Variants in HTR6 observed in about 807,000 individuals in gnomAD.
HTR6 encodes 5-hydroxytryptamine receptor 6.
In HTR6, 15 loss-of-function variants were observed where a neutral mutation model predicts 17.4. The observed-to-expected ratio is 0.86, with a 90% confidence interval of 0.58 to 1.33. The LOEUF (loss-of-function observed/expected upper bound fraction) is 1.33. Ranked by LOEUF, HTR6 falls within the 40% of genes most tolerant of loss-of-function variation. The pLI is 0.00. For synonymous variants in HTR6, 326 were observed against 295.5 expected, an observed-to-expected ratio of 1.10 and a Z score of -1.06; for missense variants, 578 against 616.0, an observed-to-expected ratio of 0.94 and a Z score of 0.65.
chr1:19,680,075 G>A lies in HTR6; in HGVS notation c.*707G>A, dbSNP rs2095099951. 6.6e-6 allele frequency among the ~76,000 whole-genome samples: 1 copy of A among 152,196 alleles called. No homozygotes were observed. The highest frequency in any genetic ancestry group is 1.5e-5 in the Non-Finnish European group (1 of 68,036). On this transcript the variant is annotated 3_prime_UTR_variant, in exon 3 of 3. Transcript: ENST00000289753. ...CTGCTCTACCACCTATGAGCTCTGG[G>A]GCCTGACACGAGTTATTTAACCTCT...
intron 1 of HTR6, among the ~76,000 whole-genome samples, chr1:19,673,154 T>C (rs1490755183): frequency 1.3e-5 from 2 of 152,228 alleles, no homozygotes; most frequent in Admixed American, 6.5e-5. Context: ...ATGACAACAA[T>C]AGCTAACACT....
At chr1:19,675,461 C>T (rs539488268) in intron 1 of HTR6, among the ~76,000 whole-genome samples, 91 of 152,230 alleles carry the variant, frequency 6.0e-4, no homozygotes, top group Admixed American at 1.2e-3. Context: ...GTTTCCTTCT[C>T]TCTTTCCTCT....
intron 1 of HTR6, among the ~76,000 whole-genome samples, chr1:19,667,626 G>A (rs2095083249): frequency 6.6e-6 from 1 of 152,172 alleles, no homozygotes; most frequent in African/African-American, 2.4e-5. Flanking sequence ...ATATTGGCCA[G>A]GTTGGTCTTG....
At chr1:19,670,008 G>T (rs1181022461) in intron 1 of HTR6, among the ~76,000 whole-genome samples, 8 of 152,220 alleles carry the variant, frequency 5.3e-5, no homozygotes, top group African/African-American at 1.9e-4. Flanking sequence ...TTACAATGCA[G>T]TTCCTGCTGC....
chr1:19,672,490 C>G (rs1363496969), intron 1 of HTR6, among the ~76,000 whole-genome samples: 1 of 152,054 alleles, frequency 6.6e-6, no homozygotes, highest in African/African-American at 2.4e-5. Context: ...GGCAGAGTGA[C>G]ACTGCCGAGC....
chr1:19,677,017 T>C (rs2095095247), intron 1 of HTR6, among the ~76,000 whole-genome samples: 1 of 152,188 alleles, frequency 6.6e-6, no homozygotes. Context: ...ATCTAATATA[T>C]GAAAATCCAC....
intron 1 of HTR6, among the ~76,000 whole-genome samples, chr1:19,669,084 C>T (rs2095084874): frequency 6.6e-6 from 1 of 152,190 alleles, no homozygotes; most frequent in African/African-American, 2.4e-5. Context: ...CCTTTACCAT[C>T]TAAAATCATC....
In HTR6 at chr1:19,679,481, T is replaced by C. The variant is rs2095099043; in HGVS notation, c.*113T>C. ...GGCTGCAAGTCTCCTAGAAGCCCTC[T>C]GAGCTCCAGAGGGGTGCGCAGAGCT... is the stretch of plus-strand genomic sequence containing the variant. On this transcript the variant is annotated 3_prime_UTR_variant, in exon 3 of 3. Transcript: ENST00000289753. This position sits in a 1 kb window ranked among gnomAD's most constrained non-coding sequence, Gnocchi z 4.9. 7.1e-7 allele frequency: 1 copy of C among 1,417,234 alleles called. No homozygotes were observed. Among genetic ancestry groups the C allele is most frequent in the Non-Finnish European group, 9.2e-7 (1 of 1,081,714 alleles). 87.8% of individuals were successfully genotyped at this position (1,417,234 alleles called of 1,614,324 possible).
intron 1 of HTR6, among the ~76,000 whole-genome samples, chr1:19,676,075 C>T (rs2095094098): frequency 6.6e-6 from 1 of 152,054 alleles, no homozygotes; most frequent in Non-Finnish European, 1.5e-5. Flanking sequence ...TTGGGGAGGC[C>T]AGAGCTGCTG....
chr1:19,665,049 G>A lies in HTR6; in HGVS notation c.-705G>A, dbSNP rs916911113. Among the ~76,000 whole-genome samples, 1 of 151,460 alleles carries A rather than the reference G, an allele frequency of 6.6e-6. No individual in the cohort carries two copies. The highest frequency in any genetic ancestry group is 2.4e-5 in the African/African-American group (1 of 41,346). ...AGCGCCCCAGGTACCAGTGCGGGCG[G>A]GAGACGGAGGCGACCCTGCTGCCGG... On this transcript the variant is annotated 5_prime_UTR_variant, in exon 1 of 3. Transcript: ENST00000289753. This position sits in a 1 kb window ranked among gnomAD's most constrained non-coding sequence, Gnocchi z 4.2.
rs1322283361 is a variant in HTR6, at chr1:19,665,706, T to G, written c.-48T>G. On this transcript the variant is annotated 5_prime_UTR_variant, in exon 1 of 3. Transcript: ENST00000289753. The surrounding 1 kb of genome is among the most constrained non-coding windows in gnomAD (Gnocchi z 4.2). ...CCTGCGCTTCGCCGGGGCCCTCATC[T>G]GCTTTCCCGCCACCCTATCACTCCC... is the stretch of plus-strand genomic sequence containing the variant. The G allele has an allele frequency of 1.5e-6, 2 of 1,290,564 alleles. No individual in the cohort carries two copies. Among genetic ancestry groups the G allele is most frequent in the Non-Finnish European group, 2.1e-6 (2 of 956,878 alleles). The allele number at this position is 1,290,564 out of a possible 1,614,324, so 79.9% of individuals were successfully genotyped here.
intron 1 of HTR6, among the ~76,000 whole-genome samples, chr1:19,675,598 A>G (rs923104856): frequency 1.4e-4 from 22 of 152,044 alleles, no homozygotes; most frequent in East Asian, 7.8e-4. Context: ...CCTTCCCCCA[A>G]TGATTGACCT....
chr1:19,667,372 G>A (rs143451955), intron 1 of HTR6, among the ~76,000 whole-genome samples: 4 of 152,078 alleles, frequency 2.6e-5, no homozygotes, highest in Admixed American at 2.6e-4. Context: ...AGCTCCAGGA[G>A]GGTCACACAT....
rs1008917432 is a variant in HTR6 at position 19,665,136 on chromosome 1, C to T, written c.-618C>T. ...TTCCCGCGGGGCCTGGCGGCCCCGG[C>T]GAACCCCCGCGCCGCACAGGCCGTG... On this transcript the variant is annotated 5_prime_UTR_variant, in exon 1 of 3. Transcript: ENST00000289753. This position sits in a 1 kb window ranked among gnomAD's most constrained non-coding sequence, Gnocchi z 4.2. 6.6e-6 allele frequency among the ~76,000 whole-genome samples: 1 copy of T among 151,764 alleles called. No homozygotes were observed. The highest frequency in any genetic ancestry group is 1.5e-5 in the Non-Finnish European group (1 of 67,844).
chr1:19,671,943 C>T (rs576766416), intron 1 of HTR6, among the ~76,000 whole-genome samples: 96 of 151,936 alleles, frequency 6.3e-4, no homozygotes, highest in African/African-American at 1.6e-3. Context: ...GAGGAAGAGC[C>T]GTGGGGCAGA....
At chr1:19,669,069 G>A (rs2095084863) in intron 1 of HTR6, among the ~76,000 whole-genome samples, 2 of 152,180 alleles carry the variant, frequency 1.3e-5, no homozygotes, top group Admixed American at 1.3e-4. Context: ...ATTTTATGGG[G>A]TGTCCCTTTA....
rs539850536 is a variant in HTR6, at chr1:19,679,109, C to T, written c.1064C>T (p.Thr355Ile). ...QASLASPSLR[T>I]SHSGPRPGLS... ...AGCCTGGCCTCGCCATCACTGCGCACCTCTCACAGCGGCCCCCGGCCCGGC... is the reference window on the plus strand; with the variant it reads ...AGCCTGGCCTCGCCATCACTGCGCATCTCTCACAGCGGCCCCCGGCCCGGC... Residue 355 changes from threonine to isoleucine, a missense_variant, in exon 3 of 3, where the codon ACC (threonine) becomes ATC (isoleucine). Thr to Ile is a moderately conservative substitution (Grantham distance 89). Coordinates refer to ENST00000289753, the MANE Select transcript of HTR6 (RefSeq NM_000871.3). This position sits in a 1 kb window ranked among gnomAD's most constrained non-coding sequence, Gnocchi z 4.9. 21 of 1,612,914 alleles carry T rather than the reference C, an allele frequency of 1.3e-5. No homozygotes were observed. In the East Asian group the frequency reaches 4.5e-4, roughly 34 times the overall value.
At position 19,679,356 on chromosome 1, in the gene HTR6, C is replaced by G. The variant is rs2095098876; in HGVS notation, c.1311C>G (p.Ile437Met). The change falls in exon 3 of 3, where the codon ATC becomes ATG. Residue 437 changes from isoleucine to methionine, a missense_variant. Ile to Met is a conservative substitution (Grantham distance 10, BLOSUM62 1). Transcript: ENST00000289753. The surrounding 1 kb of genome is among the most constrained non-coding windows in gnomAD (Gnocchi z 4.9). The stretch of plus-strand genomic sequence containing the variant: ...AGCTGCGGCCGCATCCACTTGGCAT[C>G]CCCACGAACTGACCCGGGCTTGGGG... Reference protein sequence around the residue: ...EPELRPHPLGIPTN With the variant: ...EPELRPHPLGMPTN 2 of 1,591,126 alleles carry G rather than the reference C, an allele frequency of 1.3e-6. No individual in the cohort carries two copies. The highest frequency in any genetic ancestry group is 4.5e-5 in the East Asian group (2 of 44,420).
intron 1 of HTR6, among the ~76,000 whole-genome samples, chr1:19,671,228 T>C (rs1442196416): frequency 6.6e-6 from 1 of 152,200 alleles, no homozygotes; most frequent in Non-Finnish European, 1.5e-5. Context: ...CACCAAGCCC[T>C]AAAGTGAAAG....
Sources: gnomAD v4.1 joint callset for allele counts (sites outside exome capture counted in the v4.1 genomes callset) on GRCh38, gnomAD v4.1.1 for gene constraint, Gnocchi (gnomAD v3.1) non-coding constraint, MANE v1.5 for transcripts, NCBI Gene and HGNC (gene_info 2026-07-23, HGNC 2026-07-21) for gene names.